Variants in COBL observed in about 807,000 individuals in gnomAD.
The protein encoded by COBL is cordon-bleu WH2 repeat protein.
A neutral mutation model predicts 98.8 loss-of-function variants in COBL; 51 were observed. The observed-to-expected ratio is 0.52, with a 90% CI of 0.41 to 0.65. COBL has a LOEUF of 0.65. COBL is among the 30% of genes least tolerant of loss of function. The pLI is 0.00. For synonymous variants in COBL, 634 were observed against 651.7 expected, an observed-to-expected ratio of 0.97 and a Z score of 0.41; for missense variants, 1,617 against 1,617.5, an observed-to-expected ratio of 1.00 and a Z score of 0.01.
At chr7:51,252,240 C>A (rs533578709) in intron 1 of COBL, among the ~76,000 whole-genome samples, 13 of 152,314 alleles carry the variant, frequency 8.5e-5, no homozygotes, top group African/African-American at 2.9e-4. Context: ...TGCCCATTTA[C>A]ATTGTACAAT....
intron 5 of COBL, among the ~76,000 whole-genome samples, chr7:51,162,311 G>A (rs55927953): frequency 0.037 from 5,609 of 152,290 alleles, 152 homozygotes; most frequent in Non-Finnish European, 0.053. Context: ...ATACAGAAAG[G>A]AGTGTTTTCT....
chr7:51,017,617 G>C, intron 12 of COBL, 49 bp from the exon 13 acceptor site: 1 of 1,600,280 alleles, frequency 6.2e-7, no homozygotes, highest in East Asian at 2.2e-5. Context: ...ATAAGCCCAG[G>C]ATGCAGATCT....
At chr7:51,273,327 CAA>C (rs953811880) in intron 1 of COBL, among the ~76,000 whole-genome samples, 16 of 59,466 alleles carry the variant, frequency 2.7e-4, no homozygotes, top group African/African-American at 5.9e-4. Flanking sequence ...GACTCCATCT[CAA>C]AAAAAAAAAA....
chr7:51,119,473 G>T (rs1322069070), intron 6 of COBL, among the ~76,000 whole-genome samples: 1 of 152,180 alleles, frequency 6.6e-6, no homozygotes, highest in Non-Finnish European at 1.5e-5. Context: ...AAAGTAAAAG[G>T]AGGAGGGAGC....
intron 6 of COBL, among the ~76,000 whole-genome samples, chr7:51,114,075 C>G (rs939932329): frequency 6.6e-6 from 1 of 152,142 alleles, no homozygotes; most frequent in Non-Finnish European, 1.5e-5. Context: ...AGATCCAAAA[C>G]CTAGACTTTG....
chr7:51,153,979 C>T (rs575192364), intron 5 of COBL, among the ~76,000 whole-genome samples: 28 of 152,166 alleles, frequency 1.8e-4, no homozygotes, highest in African/African-American at 6.5e-4. Flanking sequence ...CCTTCCATGG[C>T]GTCCCCTCCA....
chr7:51,044,314 C>T (rs1056567525), intron 7 of COBL, among the ~76,000 whole-genome samples: 1 of 152,176 alleles, frequency 6.6e-6, no homozygotes, highest in African/African-American at 2.4e-5. Context: ...TGGCAACTTG[C>T]TCTCCAAGCC....
In COBL at chr7:51,085,236, C is replaced by T. The variant is rs569458434; in HGVS notation, c.1026G>A (p.Gln342=). The T allele has an allele frequency of 6.2e-7, 1 of 1,613,742 alleles. No homozygotes were observed. The highest frequency in any genetic ancestry group is 8.5e-7 in the Non-Finnish European group (1 of 1,179,966). The change falls in exon 7 of 13, where the codon CAG becomes CAA. Residue 342 remains glutamine (Q), a synonymous_variant. Coordinates refer to ENST00000265136, the MANE Select transcript of COBL (RefSeq NM_015198.5). ...KRRAPAPPPP[Q]PPPPSPLIPN... ...GGATCAGGGGACTCGGTGGTGGTGG[C>T]TGTGGTGGAGGGGGAGCTGGCGCTC...
At chr7:51,250,420 T>C (rs1018548945) in intron 1 of COBL, among the ~76,000 whole-genome samples, 1 of 152,240 alleles carries the variant, frequency 6.6e-6, no homozygotes, top group South Asian at 2.1e-4. Context: ...AAATAGTTGA[T>C]GGTTCCAAGA....
chr7:51,023,365 GGGTAA>G (rs1787133361), intron 12 of COBL, among the ~76,000 whole-genome samples: 1 of 152,198 alleles, frequency 6.6e-6, no homozygotes, highest in African/African-American at 2.4e-5. Context: ...CTTGCCATCT[GGGTAA>G]GGAGACTTTT....
chr7:51,287,112 G>A (rs939662146), intron 1 of COBL, among the ~76,000 whole-genome samples: 2 of 152,174 alleles, frequency 1.3e-5, no homozygotes, highest in South Asian at 2.1e-4. Flanking sequence ...TGTTGGAGGT[G>A]GGGAGGAAAG....
chr7:51,046,975 A>G (rs988805444), intron 7 of COBL, among the ~76,000 whole-genome samples: 6 of 152,238 alleles, frequency 3.9e-5, no homozygotes, highest in African/African-American at 7.2e-5. Flanking sequence ...ATCAAAATAT[A>G]GGATGTAAAC....
chr7:51,214,192 G>A (rs1028874093), intron 2 of COBL, among the ~76,000 whole-genome samples: 18 of 151,908 alleles, frequency 1.2e-4, no homozygotes, highest in African/African-American at 2.2e-4. Flanking sequence ...CTTGAACCTC[G>A]GAGGCAGAGG....
At chr7:51,185,902 C>A (rs997279776) in intron 4 of COBL, among the ~76,000 whole-genome samples, 1 of 152,256 alleles carries the variant, frequency 6.6e-6, no homozygotes, top group South Asian at 2.1e-4. Context: ...CCTGATATCA[C>A]GCTGTAGGAG....
rs769638035 is a variant in COBL at position 51,029,292 on chromosome 7, G to T, written c.1804C>A (p.Pro602Thr). The T allele has an allele frequency of 1.2e-6, 2 of 1,604,158 alleles. No individual in the cohort carries two copies. The highest frequency in any genetic ancestry group is 1.1e-5 in the South Asian group (1 of 89,258). Residue 602 changes from proline (P) to threonine (T), a missense_variant, in exon 10 of 13, where the codon CCC becomes ACC. Pro to Thr is a conservative substitution (Grantham distance 38). Around this residue, in one of 3 missense-constraint regions of COBL, gnomAD observed 1,304 missense variants for 1,282.0 expected, o/e 1.02. Transcript: ENST00000265136. ...CCTTTTCCGACGTCATGGGAAGCGG[G>T]GTGCAGGGCAGGTACTTCCTCCCTT... ...KAREEVPALHPASHDVGKGIR... is the reference protein window; with the variant it reads ...KAREEVPALHTASHDVGKGIR...
At chr7:51,112,058 T>C (rs1242502819) in intron 6 of COBL, among the ~76,000 whole-genome samples, 1 of 152,030 alleles carries the variant, frequency 6.6e-6, no homozygotes, top group African/African-American at 2.4e-5. Flanking sequence ...GTCCAGGCAA[T>C]TTTCAGGTGG....
intron 1 of COBL, 109 bp from the exon 2 acceptor site, chr7:51,220,053 G>T: frequency 1.0e-6 from 1 of 961,794 alleles, no homozygotes; most frequent in Non-Finnish European, 1.5e-6. Context: ...CACCTTCCAA[G>T]TGCCACGGCC....
chr7:51,226,216 G>A (rs4948202), intron 1 of COBL, among the ~76,000 whole-genome samples: 62,444 of 152,044 alleles, frequency 0.41, 13,891 homozygotes, highest in Non-Finnish European at 0.5. Context: ...CTGGCAAACC[G>A]CATGTGCTTA....
Position 51,043,516 on chromosome 7 carries a change from T to C in COBL, c.1273A>G (p.Ser425Gly), listed in dbSNP as rs141681360. 369 of 1,614,140 alleles carry C rather than the reference T, an allele frequency of 2.3e-4. No homozygotes were observed. Among genetic ancestry groups the C allele is most frequent in the Non-Finnish European group, 2.9e-4 (341 of 1,180,046 alleles). The change falls in exon 8 of 13, where the codon AGC becomes GGC. Residue 425 changes from serine (S) to glycine (G), a missense_variant. This residue lies in a region of COBL where 1,304 missense variants were observed against 1,282.0 expected (regional missense o/e 1.02). Transcript: ENST00000265136. ...DIVSLDSQQDSMKYKDKWATD... is the reference protein window; with the variant it reads ...DIVSLDSQQDGMKYKDKWATD... ...GCCCACTTGTCTTTGTATTTCATGC[T>C]GTCCTGCTGCGAGTCCAGAGAGACG...
Sources: allele counts gnomAD v4.1 joint callset (sites outside exome capture counted in the v4.1 genomes callset), GRCh38; gene constraint gnomAD v4.1.1; regional missense constraint gnomAD v4.1.1; transcripts MANE v1.5; gene names NCBI Gene and HGNC (gene_info 2026-07-23, HGNC 2026-07-21).